Variants in TCP11L2 observed in about 807,000 individuals in gnomAD.
The protein encoded by TCP11L2 is T-complex protein 11-like protein 2.
Under a neutral mutation model 50.7 loss-of-function variants are expected in TCP11L2, and 39 were observed. The ratio of observed to expected loss-of-function variants is 0.77; its 90% CI spans 0.60 to 1.01. The LOEUF (loss-of-function observed/expected upper bound fraction) is 1.01, where lower values mean the gene tolerates loss of function less well. TCP11L2 is among the 50% of genes least tolerant of loss of function. The pLI is 0.00. For synonymous variants in TCP11L2, 192 were observed against 219.3 expected, an observed-to-expected ratio of 0.88 and a Z score of 1.10; for missense variants, 612 against 614.7, an observed-to-expected ratio of 1.00 and a Z score of 0.05.
At chr12:106,305,260 T>A (rs1459531989) in intron 1 of TCP11L2, among the ~76,000 whole-genome samples, 1 of 151,734 alleles carries the variant, frequency 6.6e-6, no homozygotes, top group Non-Finnish European at 1.5e-5. Flanking sequence ...AGATAAAATA[T>A]ATAAAGAACT....
intron 4 of TCP11L2, among the ~76,000 whole-genome samples, chr12:106,320,236 A>G (rs2035288463): frequency 6.6e-6 from 1 of 152,084 alleles, no homozygotes; most frequent in African/African-American, 2.4e-5. Context: ...ATCTGTAACT[A>G]AAAATACAAA....
chr12:106,312,272 T>A, intron 2 of TCP11L2: 1 of 418,754 alleles, frequency 2.4e-6, no homozygotes, highest in East Asian at 7.5e-5. Flanking sequence ...TTTTTTTTTT[T>A]TTTTTTGCTG....
chr12:106,302,386 GCCCCCGC>G (rs1565832052), upstream of TCP11L2, among the ~76,000 whole-genome samples: 4 of 64,302 alleles, frequency 6.2e-5, 1 homozygote, highest in Admixed American at 1.6e-4. Context: ...CCCCCGCTCA[GCCCCCGC>G]TCAGCCCCCG....
chr12:106,329,224 A>T, intron 6 of TCP11L2: 1 of 1,382,042 alleles, frequency 7.2e-7, no homozygotes, highest in South Asian at 1.2e-5. Flanking sequence ...GTGCTTATTT[A>T]CCTTTAAATC....
At chr12:106,315,622 C>T (rs1214073158) in intron 3 of TCP11L2, among the ~76,000 whole-genome samples, 1 of 152,194 alleles carries the variant, frequency 6.6e-6, no homozygotes, top group East Asian at 1.9e-4. Context: ...AATAAATGCA[C>T]CTGAACTGTC....
intron 6 of TCP11L2, chr12:106,329,358 A>T: frequency 6.5e-7 from 1 of 1,536,126 alleles, no homozygotes; most frequent in African/African-American, 1.4e-5. Context: ...GTGCCTCATG[A>T]GGCTGACCTT....
intron 4 of TCP11L2, among the ~76,000 whole-genome samples, chr12:106,319,369 A>G (rs966935814): frequency 1.3e-5 from 2 of 152,212 alleles, no homozygotes; most frequent in Non-Finnish European, 2.9e-5. Flanking sequence ...TTGAAACTAT[A>G]GCAGTTTTTT....
At chr12:106,317,287 G>A (rs772141326) in intron 3 of TCP11L2, among the ~76,000 whole-genome samples, 3 of 152,142 alleles carry the variant, frequency 2.0e-5, no homozygotes, top group African/African-American at 7.2e-5. Context: ...AGGCTGAGGT[G>A]AGCAGATCAC....
At chr12:106,304,809 C>T (rs948370411) in intron 1 of TCP11L2, among the ~76,000 whole-genome samples, 5 of 152,152 alleles carry the variant, frequency 3.3e-5, no homozygotes, top group African/African-American at 9.7e-5. Context: ...TTTGCTAATA[C>T]GTGGGGTCTA....
chr12:106,340,074 A>G (rs1418694305), intron 8 of TCP11L2, among the ~76,000 whole-genome samples: 2 of 152,152 alleles, frequency 1.3e-5, no homozygotes, highest in Admixed American at 6.5e-5. Flanking sequence ...ACTGCTTCCT[A>G]TCATTGAGCC....
chr12:106,338,221 G>A (rs142386814), intron 8 of TCP11L2, among the ~76,000 whole-genome samples: 110 of 152,092 alleles, frequency 7.2e-4, no homozygotes, highest in Admixed American at 1.7e-3. Context: ...GGTTTTTTAC[G>A]TGGGTAAATT....
At position 106,321,721 on chromosome 12, in the gene TCP11L2, T is replaced by A. The variant is rs770777561; in HGVS notation, c.635+15T>A. ...GAGGTGCTGAGGTTAGCACTTTTGC[T>A]GTTTGCATTTCCTAGAGTATCTTTG... On this transcript the variant is annotated intron_variant, in intron 5 of 9. Coordinates refer to ENST00000299045, the MANE Select transcript of TCP11L2 (RefSeq NM_152772.3). The A allele has an allele frequency of 6.2e-7, 1 of 1,609,954 alleles. No homozygotes were observed.
At chr12:106,315,407 TC>T (rs2035039279) in intron 3 of TCP11L2, among the ~76,000 whole-genome samples, 1 of 152,166 alleles carries the variant, frequency 6.6e-6, no homozygotes, top group South Asian at 2.1e-4. Flanking sequence ...CCTTGCTGCC[TC>T]CTTTTTGTTA....
intron 6 of TCP11L2, among the ~76,000 whole-genome samples, chr12:106,326,406 G>GACT (rs1468418915): frequency 2.0e-5 from 3 of 152,208 alleles, no homozygotes; most frequent in African/African-American, 7.2e-5. Context: ...CTGTAGGGCA[G>GACT]ACTAGGATTC....
At chr12:106,312,525 C>A in intron 2 of TCP11L2, 1 of 661,764 alleles carries the variant, frequency 1.5e-6, no homozygotes, top group Non-Finnish European at 1.9e-6. Context: ...AGGGTTTTAC[C>A]AATTCTGTGT....
chr12:106,323,601 G>T lies in TCP11L2; in HGVS notation c.727G>T (p.Glu243Ter). The stretch of plus-strand genomic sequence containing the variant: ...ACCGCACCTTCAACGCCAGTTGGTG[G>T]AATATGAGAGAACCAAGTTCCAGGA... ...LRPHLQRQLV[E>*]YERTKFQEIL... The change falls in exon 6 of 10, where the codon GAA (glutamate) becomes TAA (stop). Residue 243 changes from glutamate (E) to a stop codon, truncating the protein, a stop_gained. Coordinates refer to ENST00000299045, the MANE Select transcript of TCP11L2 (RefSeq NM_152772.3). LOFTEE classifies it high-confidence loss of function. The T allele has an allele frequency of 6.2e-7, 1 of 1,604,176 alleles. No homozygotes were observed. Among genetic ancestry groups the T allele is most frequent in the Non-Finnish European group, 8.5e-7 (1 of 1,175,380 alleles).
chr12:106,312,629 T>A (rs1010390653), intron 2 of TCP11L2, among the ~76,000 whole-genome samples: 3 of 152,194 alleles, frequency 2.0e-5, no homozygotes, highest in African/African-American at 7.2e-5. Flanking sequence ...ACACCTGTAA[T>A]CCCAGCACTT....
intron 7 of TCP11L2, 73 bp downstream of exon 7, chr12:106,335,899 C>A: frequency 6.4e-7 from 1 of 1,553,496 alleles, no homozygotes; most frequent in South Asian, 1.2e-5. Context: ...ATCATCTGGT[C>A]TGTGTTTCAT....
At chr12:106,315,396 C>A (rs1048695643) in intron 3 of TCP11L2, among the ~76,000 whole-genome samples, 15 of 152,148 alleles carry the variant, frequency 9.9e-5, no homozygotes, top group Non-Finnish European at 1.9e-4. Context: ...ACACCTGTAG[C>A]CCTTGCTGCC....
Sources: allele counts gnomAD v4.1 joint callset (sites outside exome capture counted in the v4.1 genomes callset), GRCh38; gene constraint gnomAD v4.1.1; transcripts MANE v1.5; gene names NCBI Gene and HGNC (gene_info 2026-07-23, HGNC 2026-07-21).